The following CCDC171 variants were observed in gnomAD, a reference collection of about 807,000 sequenced individuals.
CCDC171 encodes the protein coiled-coil domain-containing protein 171.
Under a neutral mutation model 168.2 loss-of-function variants are expected in CCDC171, and 177 were observed. That is an observed-to-expected ratio of 1.05 (90% confidence interval 0.93 to 1.19). The LOEUF is 1.19. CCDC171 is among the 50% of genes most tolerant of loss of function. The probability of loss-of-function intolerance (pLI) is 0.00; values close to 1 mark genes in which losing one functional copy is unlikely to be tolerated. For synonymous variants in CCDC171, 687 were observed against 540.8 expected, an observed-to-expected ratio of 1.27 and a Z score of -3.75; for missense variants, 1,991 against 1,539.0, an observed-to-expected ratio of 1.29 and a Z score of -4.91.
At chr9:16,094,477 A>C in the CCDC171 span, among the ~76,000 whole-genome samples, 15 of 152,226 alleles carry the variant, frequency 9.9e-5, no homozygotes, top group Non-Finnish European at 1.3e-4. Context: ...AGAGAGTCAC[A>C]ATCCAGGCCC....
intron 21 of CCDC171, among the ~76,000 whole-genome samples, chr9:15,804,124 T>TGA (rs2058961615): frequency 6.6e-6 from 1 of 152,162 alleles, no homozygotes; most frequent in Non-Finnish European, 1.5e-5. Flanking sequence ...CTTGAGAAGC[T>TGA]TTTGGGCTGT....
chr9:15,638,829 G>A (rs898654552), intron 7 of CCDC171, among the ~76,000 whole-genome samples: 1 of 151,778 alleles, frequency 6.6e-6, no homozygotes, highest in African/African-American at 2.4e-5. Context: ...AGAATCAAGG[G>A]AAAAGCAAAC....
At chr9:16,088,425 A>G in the CCDC171 span, among the ~76,000 whole-genome samples, 705 of 152,344 alleles carry the variant, frequency 4.6e-3, 6 homozygotes, top group African/African-American at 0.016. Flanking sequence ...AGAGGAAGTC[A>G]GATTATCTCT....
chr9:15,946,688 A>T (rs1446984815), intron 25 of CCDC171, among the ~76,000 whole-genome samples: 1 of 152,064 alleles, frequency 6.6e-6, no homozygotes, highest in African/African-American at 2.4e-5. Flanking sequence ...TTCATATGGA[A>T]CCAAAAGAGA....
intron 8 of CCDC171, among the ~76,000 whole-genome samples, chr9:15,662,509 C>G (rs549989207): frequency 6.6e-5 from 10 of 152,050 alleles, no homozygotes; most frequent in African/African-American, 9.7e-5. Flanking sequence ...AATTCAGGAC[C>G]TTTGTGCATG....
intron 6 of CCDC171, among the ~76,000 whole-genome samples, chr9:15,596,760 A>C (rs1458093578): frequency 6.6e-6 from 1 of 151,974 alleles, no homozygotes; most frequent in East Asian, 1.9e-4. Flanking sequence ...CACGATATTG[A>C]TTCTTCCTAC....
At chr9:15,724,603 AT>A (rs1350426913) in intron 13 of CCDC171, among the ~76,000 whole-genome samples, 172 bp from the exon 14 acceptor site, 2 of 152,218 alleles carry the variant, frequency 1.3e-5, no homozygotes. Flanking sequence ...CTGAGATATT[AT>A]ATTTAGAAAA....
intron 24 of CCDC171, among the ~76,000 whole-genome samples, chr9:15,904,491 C>A (rs1307782610): frequency 6.6e-6 from 1 of 151,490 alleles, no homozygotes; most frequent in Non-Finnish European, 1.5e-5. Context: ...TTGTCACCAC[C>A]AGGCCTGCCC....
intron 25 of CCDC171, among the ~76,000 whole-genome samples, chr9:15,967,617 T>C (rs1316664541): frequency 6.6e-6 from 1 of 152,144 alleles, no homozygotes; most frequent in Admixed American, 6.6e-5. Flanking sequence ...ATTTCAAAGC[T>C]GGAAAGAGTC....
chr9:15,649,032 A>G (rs1276452252), intron 7 of CCDC171, among the ~76,000 whole-genome samples: 1 of 152,210 alleles, frequency 6.6e-6, no homozygotes, highest in Non-Finnish European at 1.5e-5. Flanking sequence ...ACAGCATGGT[A>G]CTGGTACCAA....
intron 23 of CCDC171, among the ~76,000 whole-genome samples, chr9:15,855,988 C>T (rs1011531239): frequency 5.3e-5 from 8 of 151,852 alleles, no homozygotes; most frequent in African/African-American, 1.9e-4. Context: ...TTATATTTCC[C>T]TACGTAGTTA....
intron 25 of CCDC171, among the ~76,000 whole-genome samples, chr9:15,965,417 G>T (rs1198559781): frequency 6.6e-6 from 1 of 152,168 alleles, no homozygotes; most frequent in African/African-American, 2.4e-5. Context: ...ATGGTCAAGC[G>T]TATGAATAGG....
chr9:15,963,877 C>G (rs992841346), intron 25 of CCDC171, among the ~76,000 whole-genome samples: 1 of 152,268 alleles, frequency 6.6e-6, no homozygotes, highest in Non-Finnish European at 1.5e-5. Flanking sequence ...CAGACCCTCT[C>G]TAAGCTAAAT....
chr9:15,731,015 T>C (rs1006832070), intron 16 of CCDC171, among the ~76,000 whole-genome samples: 1 of 152,066 alleles, frequency 6.6e-6, no homozygotes, highest in Non-Finnish European at 1.5e-5. Flanking sequence ...TGTGTAATGC[T>C]CAAGCCAGAG....
intron 3 of CCDC171, among the ~76,000 whole-genome samples, chr9:16,013,302 A>G (rs1832923266): frequency 6.6e-6 from 1 of 152,168 alleles, no homozygotes; most frequent in African/African-American, 2.4e-5. Context: ...TCCCTGGAAA[A>G]AATCCAAGTT....
chr9:15,931,564 G>A (rs1192800829), intron 25 of CCDC171, among the ~76,000 whole-genome samples: 7 of 140,486 alleles, frequency 5.0e-5, no homozygotes, highest in Non-Finnish European at 1.1e-4. Flanking sequence ...CTGCCATTCT[G>A]TAGGTTGTCT....
intron 25 of CCDC171, among the ~76,000 whole-genome samples, chr9:15,937,545 C>T (rs1410811851): frequency 4.0e-5 from 6 of 151,624 alleles, no homozygotes; most frequent in African/African-American, 1.5e-4. Context: ...TCTAAAATCC[C>T]CCTTATATAC....
At chr9:15,628,469 C>G (rs986759123) in intron 7 of CCDC171, among the ~76,000 whole-genome samples, 4 of 152,166 alleles carry the variant, frequency 2.6e-5, no homozygotes, top group African/African-American at 9.6e-5. Flanking sequence ...GGCAGCGAGG[C>G]TAGGGGAGGG....
At chr9:16,025,465 A>C (rs1455401436) in intron 6 of CCDC171, among the ~76,000 whole-genome samples, 1 of 152,076 alleles carries the variant, frequency 6.6e-6, no homozygotes, top group East Asian at 1.9e-4. Flanking sequence ...TCTCAAAAAC[A>C]AACAAACAAA....
Sources: gnomAD v4.1 joint callset for allele counts (sites outside exome capture counted in the v4.1 genomes callset) on GRCh38, gnomAD v4.1.1 for gene constraint, MANE v1.5 for transcripts, NCBI Gene and HGNC (gene_info 2026-07-23, HGNC 2026-07-21) for gene names.